SHROOM3: variants seen among roughly 807,000 people sequenced by gnomAD.
SHROOM3 encodes protein Shroom3.
In SHROOM3, 47 loss-of-function variants were observed where a neutral mutation model predicts 138.6. The observed-to-expected ratio is 0.34, with a 90% CI of 0.27 to 0.43. SHROOM3 has a LOEUF of 0.43. SHROOM3 is among the 20% of genes least tolerant of loss of function. The pLI is 1.00. For missense variants in SHROOM3, 2,491 were observed against 2,596.5 expected, an observed-to-expected ratio of 0.96 and a Z score of 0.88; for synonymous variants, 1,062 against 1,063.3, an observed-to-expected ratio of 1.00 and a Z score of 0.02.
intron 1 of SHROOM3, among the ~76,000 whole-genome samples, chr4:76,469,641 G>A (rs528855060): frequency 2.0e-5 from 3 of 152,244 alleles, no homozygotes; most frequent in Admixed American, 2.0e-4. Context: ...TATTTTAGTA[G>A]AGACCGGGTT....
At chr4:76,436,553 T>A (rs1013836348) in intron 1 of SHROOM3, among the ~76,000 whole-genome samples, 1 of 152,244 alleles carries the variant, frequency 6.6e-6, no homozygotes, top group African/African-American at 2.4e-5. Context: ...GGTGGCATGG[T>A]ATATATTTGT....
chr4:76,657,168 A>ACTCTCTCT (rs369556375), intron 2 of SHROOM3, among the ~76,000 whole-genome samples: 1 of 143,622 alleles, frequency 7.0e-6, no homozygotes, highest in African/African-American at 2.6e-5. Flanking sequence ...CAAGAGCGAA[A>ACTCTCTCT]CTCTCTCTCT....
At chr4:76,626,339 T>C (rs1024088559) in intron 2 of SHROOM3, among the ~76,000 whole-genome samples, 2 of 152,188 alleles carry the variant, frequency 1.3e-5, no homozygotes, top group African/African-American at 4.8e-5. Context: ...TAATTGTGGG[T>C]ATTTAAATAA....
At chr4:76,661,355 A>T (rs1302618496) in intron 2 of SHROOM3, among the ~76,000 whole-genome samples, 1 of 151,754 alleles carries the variant, frequency 6.6e-6, no homozygotes, top group African/African-American at 2.4e-5. Context: ...TCAGCCTACC[A>T]AGTAGCTGGG....
At chr4:76,714,189 T>C (rs1290756622) in intron 3 of SHROOM3, among the ~76,000 whole-genome samples, 1 of 152,238 alleles carries the variant, frequency 6.6e-6, no homozygotes, top group East Asian at 1.9e-4. Context: ...GCTAACAGAC[T>C]TAACTTTATA....
Position 76,754,672 on chromosome 4 carries a change from C to T in SHROOM3, c.4189C>T (p.Pro1397Ser), listed in dbSNP as rs1003067354. The T allele has an allele frequency of 9.9e-6, 16 of 1,614,182 alleles. No individual in the cohort carries two copies. Among genetic ancestry groups the T allele is most frequent in the Middle Eastern group, 3.3e-4 (2 of 6,062 alleles). Residue 1397 changes from proline (P) to serine (S), a missense_variant, in exon 7 of 11, where the codon CCT (proline) becomes TCT (serine). Around this residue, in one of 4 missense-constraint regions of SHROOM3, gnomAD observed 1,733 missense variants for 1,661.6 expected, o/e 1.04. Coordinates refer to ENST00000296043, the MANE Select transcript of SHROOM3 (RefSeq NM_020859.4). The stretch of plus-strand genomic sequence containing the variant: ...AAGCAATGGTCACACCCTGACCCAG[C>T]CTCCCGGTCCAAGAGGCTGTGAGGG... ...HRSNGHTLTQPPGPRGCEGDG... is the reference protein window; with the variant it reads ...HRSNGHTLTQSPGPRGCEGDG...
chr4:76,524,182 C>T (rs946746054), intron 1 of SHROOM3, among the ~76,000 whole-genome samples: 4 of 152,042 alleles, frequency 2.6e-5, no homozygotes, highest in South Asian at 4.2e-4. Context: ...CTGTATATGC[C>T]GAGGAAGAAG....
intron 2 of SHROOM3, among the ~76,000 whole-genome samples, chr4:76,557,224 T>TACACACAC (rs1289575397): frequency 1.4e-4 from 10 of 72,008 alleles, no homozygotes; most frequent in African/African-American, 6.4e-4. Context: ...TATGTTTATG[T>TACACACAC]ATACACACAC....
Position 76,521,118 on chromosome 4 carries a change from C to A in SHROOM3, c.169-34491C>A, listed in dbSNP as rs770879015. Among the ~76,000 whole-genome samples the A allele has an allele frequency of 5.9e-5, 9 of 151,994 alleles. No individual in the cohort carries two copies. In the South Asian group the frequency reaches 6.2e-4, roughly 11 times the overall value. ...GTAACAGGAGTCTTTTTTTTTAAAT[C>A]ATTCATGACCTAATCTCTAATATTC... is the stretch of plus-strand genomic sequence containing the variant. On this transcript the variant is annotated intron_variant, in intron 1 of 10. Coordinates refer to ENST00000296043, the MANE Select transcript of SHROOM3 (RefSeq NM_020859.4).
intron 2 of SHROOM3, among the ~76,000 whole-genome samples, chr4:76,703,041 T>C (rs1719947882): frequency 6.6e-6 from 1 of 152,052 alleles, no homozygotes; most frequent in African/African-American, 2.4e-5. Context: ...GTTTGGCAAG[T>C]TTCAGGGGGA....
Position 76,436,345 on chromosome 4 carries a change from G to T in SHROOM3, c.168+125G>T, listed in dbSNP as rs189707263. 161,657 of 1,060,848 alleles carry T rather than the reference G, an allele frequency of 0.15. 13,019 individuals are homozygous for T. The highest frequency in any genetic ancestry group is 0.22 in the South Asian group (15,277 of 68,692). The allele number at this position is 1,060,848 out of a possible 1,614,324, so 65.7% of individuals were successfully genotyped here. A position where few individuals can be genotyped will look rare whatever the true frequency, so the allele number is the denominator to read the frequency against. On this transcript the variant is annotated intron_variant, in intron 1 of 10. Coordinates refer to ENST00000296043, the MANE Select transcript of SHROOM3 (RefSeq NM_020859.4). ...TTAATTTGCTGTTTCATGCCTTTCTGATTATCTAGAAATATTTTGGATAGC... is the reference window on the plus strand; with the variant it reads ...TTAATTTGCTGTTTCATGCCTTTCTTATTATCTAGAAATATTTTGGATAGC...
At chr4:76,665,842 G>A (rs1188888792) in intron 2 of SHROOM3, among the ~76,000 whole-genome samples, 1 of 152,102 alleles carries the variant, frequency 6.6e-6, no homozygotes, top group African/African-American at 2.4e-5. Flanking sequence ...CTGTTTACTG[G>A]TATATGTCTA....
rs1353270199 is a variant in SHROOM3 at position 76,754,391 on chromosome 4, G to A, written c.3908G>A (p.Gly1303Asp). Residue 1303 changes from glycine to aspartate, a missense_variant, in exon 7 of 11, where the codon GGC becomes GAC. Physicochemically the swap from Gly to Asp is moderately conservative, Grantham distance 94. This residue lies in a region of SHROOM3 where 1,733 missense variants were observed against 1,661.6 expected (regional missense o/e 1.04). Coordinates refer to ENST00000296043, the MANE Select transcript of SHROOM3 (RefSeq NM_020859.4). ...CTCACCCCTCGTTGGGGTGGTTCAG[G>A]CTGCAAAGCCATTGGTGATTCCTCC... The part of the protein sequence containing the change: ...HHLTPRWGGS[G>D]CKAIGDSSVP... The A allele has an allele frequency of 6.2e-7, 1 of 1,614,124 alleles. No homozygotes were observed. The highest frequency in any genetic ancestry group is 8.5e-7 in the Non-Finnish European group (1 of 1,180,008).
At chr4:76,735,105 T>C (rs1352352790) in intron 4 of SHROOM3, among the ~76,000 whole-genome samples, 2 of 151,978 alleles carry the variant, frequency 1.3e-5, no homozygotes, top group Non-Finnish European at 2.9e-5. Flanking sequence ...CAATAGAAAA[T>C]GAGGCTGGAG....
chr4:76,457,107 G>A (rs949379242), intron 1 of SHROOM3, among the ~76,000 whole-genome samples: 4 of 152,194 alleles, frequency 2.6e-5, no homozygotes, highest in Non-Finnish European at 4.4e-5. Context: ...CAGGGGATGC[G>A]ATGGCTTGGC....
At chr4:76,692,010 T>C (rs1190180950) in intron 2 of SHROOM3, among the ~76,000 whole-genome samples, 1 of 152,216 alleles carries the variant, frequency 6.6e-6, no homozygotes. Flanking sequence ...TTCTAACCAC[T>C]GTGTGACCTC....
intron 2 of SHROOM3, among the ~76,000 whole-genome samples, chr4:76,638,192 G>A (rs1735557223): frequency 6.6e-6 from 1 of 152,136 alleles, no homozygotes; most frequent in South Asian, 2.1e-4. Context: ...ATTATCTGAT[G>A]TTGTATATTT....
Position 76,581,418 on chromosome 4 carries a change from C to T in SHROOM3, c.323+25655C>T, listed in dbSNP as rs190144466. On this transcript the variant is annotated intron_variant, in intron 2 of 10. Transcript: ENST00000296043. ...CAGTCATTTTCATTTGTGTGCCTTT[C>T]GATTGCTGTATCATAAGTGGTTTAT... Among the ~76,000 whole-genome samples the T allele has an allele frequency of 3.9e-5, 6 of 152,258 alleles. No individual in the cohort carries two copies. The East Asian group carries it at 1.2e-3, about 29-fold the overall frequency.
Position 76,741,878 on chromosome 4 carries a change from T to C in SHROOM3, c.3705T>C (p.Pro1235=), listed in dbSNP as rs1192521434. 1 of 1,612,222 alleles carries C rather than the reference T, an allele frequency of 6.2e-7. No individual in the cohort carries two copies. The highest frequency in any genetic ancestry group is 8.5e-7 in the Non-Finnish European group (1 of 1,179,924). The change falls in exon 5 of 11, where the codon CCT becomes CCC. Residue 1235 remains proline (P), a synonymous_variant. Coordinates refer to ENST00000296043, the MANE Select transcript of SHROOM3 (RefSeq NM_020859.4). The surrounding 1 kb of genome is among the most constrained non-coding windows in gnomAD (Gnocchi z 6.2). ...LLERSDVLAG[P]VHVRSRSSPA... is the part of the protein sequence containing the mutation. ...AACGCTCGGACGTCCTTGCGGGCCC[T>C]GTCCATGTGAGGTCCAGGTCATCTC...
Sources: gnomAD v4.1 joint callset for allele counts (sites outside exome capture counted in the v4.1 genomes callset) on GRCh38, gnomAD v4.1.1 for gene constraint, gnomAD v4.1.1 regional missense constraint, Gnocchi (gnomAD v3.1) non-coding constraint, MANE v1.5 for transcripts, NCBI Gene and HGNC (gene_info 2026-07-23, HGNC 2026-07-21) for gene names.